PCDH15: variants seen among roughly 807,000 people sequenced by gnomAD.
The protein encoded by PCDH15 is protocadherin-15.
Under a neutral mutation model 178.5 loss-of-function variants are expected in PCDH15, and 129 were observed. That is an observed-to-expected ratio of 0.72 (90% CI 0.63 to 0.84). The LOEUF (loss-of-function observed/expected upper bound fraction) is 0.84. Ranked by LOEUF, PCDH15 falls within the 40% of genes least tolerant of loss-of-function variation. The pLI is 0.00. For synonymous variants in PCDH15, 800 were observed against 732.0 expected, an observed-to-expected ratio of 1.09 and a Z score of -1.50; for missense variants, 2,230 against 2,099.9, an observed-to-expected ratio of 1.06 and a Z score of -1.21.
chr10:55,165,687 G>A (rs765593910), intron 2 of PCDH15, among the ~76,000 whole-genome samples: 3 of 151,916 alleles, frequency 2.0e-5, no homozygotes, highest in Non-Finnish European at 4.4e-5. Context: ...GGAGCCAGGA[G>A]CAAGAGATAA....
intron 1 of PCDH15, among the ~76,000 whole-genome samples, chr10:55,215,304 T>A (rs906172130): frequency 1.3e-5 from 2 of 152,136 alleles, no homozygotes; most frequent in Non-Finnish European, 2.9e-5. Flanking sequence ...TCCTTCATAT[T>A]TGAATTCAAG....
chr10:53,868,632 T>C (rs1041086482), intron 26 of PCDH15, among the ~76,000 whole-genome samples: 5 of 152,154 alleles, frequency 3.3e-5, no homozygotes, highest in Non-Finnish European at 5.9e-5. Flanking sequence ...ACACAAATGA[T>C]TAAAATAGTA....
chr10:53,823,319 A>G (rs1460890929), intron 32 of PCDH15: 1 of 1,613,948 alleles, frequency 6.2e-7, no homozygotes. Flanking sequence ...AGACTGAGTT[A>G]TTTCCCCTGC....
rs571407966 is a variant in PCDH15 at position 53,869,081 on chromosome 10, T to A, written c.3502-2224A>T. Among the ~76,000 whole-genome samples the A allele has an allele frequency of 8.7e-4, 132 of 152,280 alleles. 1 individual carries two copies. Among genetic ancestry groups the A allele is most frequent in the African/African-American group, 3.0e-3 (123 of 41,564 alleles). ...TCTTGGCCTACCAAAGTGCTGGGAT[T>A]ACAGACATGAGCCACTGTGCCAAAC... On this transcript the variant is annotated intron_variant, in intron 26 of 37. Coordinates refer to ENST00000644397, the MANE Select transcript of PCDH15 (RefSeq NM_001384140.1).
intron 6 of PCDH15, among the ~76,000 whole-genome samples, chr10:54,332,835 A>T (rs933164307): frequency 2.0e-5 from 3 of 152,160 alleles, no homozygotes; most frequent in Admixed American, 2.0e-4. Context: ...GACTTTATTG[A>T]TCTTCAGAGC....
At chr10:54,311,015 T>C (rs936583985) in intron 8 of PCDH15, among the ~76,000 whole-genome samples, 2 of 152,040 alleles carry the variant, frequency 1.3e-5, no homozygotes, top group Non-Finnish European at 2.9e-5. Flanking sequence ...ACTTTTCTGA[T>C]AACTGAGAAA....
intron 8 of PCDH15, among the ~76,000 whole-genome samples, chr10:54,258,553 G>C (rs531737253): frequency 2.3e-3 from 349 of 152,248 alleles, no homozygotes; most frequent in African/African-American, 8.1e-3. Flanking sequence ...GGCAGAGCCA[G>C]AAGTACAATA....
At position 53,920,112 on chromosome 10, in the gene PCDH15, A is replaced by G. The variant is rs2083874656; in HGVS notation, c.3374-16742T>C. ...AAAAACAGTATGGATACAAGATGAG[A>G]AATCCCATTTCTATAAAGTTGAGGA... On this transcript the variant is annotated intron_variant, in intron 25 of 37. Coordinates refer to ENST00000644397, the MANE Select transcript of PCDH15 (RefSeq NM_001384140.1). Among the ~76,000 whole-genome samples, 5 of 152,162 alleles carry G rather than the reference A, an allele frequency of 3.3e-5. No individual in the cohort carries two copies. In the South Asian group the frequency reaches 1.0e-3, roughly 32 times the overall value.
chr10:54,493,184 A>G (rs1446681617), intron 3 of PCDH15, among the ~76,000 whole-genome samples: 1 of 152,100 alleles, frequency 6.6e-6, no homozygotes, highest in African/African-American at 2.4e-5. Context: ...ACACAGTTAT[A>G]TAAGTATAGG....
chr10:55,175,586 A>G (rs1437764819), intron 1 of PCDH15, among the ~76,000 whole-genome samples: 1 of 149,506 alleles, frequency 6.7e-6, no homozygotes, highest in African/African-American at 2.5e-5. Flanking sequence ...GAATCACTTT[A>G]ACCCGGGAGG....
chr10:55,431,641 G>A (rs1386923240), intron 2 of PCDH15, among the ~76,000 whole-genome samples: 1 of 152,106 alleles, frequency 6.6e-6, no homozygotes, highest in African/African-American at 2.4e-5. Flanking sequence ...AATCTCTTAA[G>A]ACAAATTTTC....
chr10:54,738,685 A>C (rs991853223), intron 1 of PCDH15, among the ~76,000 whole-genome samples: 1 of 152,060 alleles, frequency 6.6e-6, no homozygotes, highest in Non-Finnish European at 1.5e-5. Flanking sequence ...ATTCAACAAC[A>C]CAATAAAAAG....
At chr10:54,705,441 C>T (rs60319288) in intron 1 of PCDH15, among the ~76,000 whole-genome samples, 6,317 of 152,118 alleles carry the variant, frequency 0.042, 441 homozygotes, top group African/African-American at 0.15. Flanking sequence ...ATTATGGCTC[C>T]ATCACTTGTT....
chr10:54,844,869 T>A (rs1321675297), intron 3 of PCDH15, among the ~76,000 whole-genome samples: 1 of 151,938 alleles, frequency 6.6e-6, no homozygotes, highest in African/African-American at 2.4e-5. Flanking sequence ...ATAATGACTT[T>A]TAAAAAAACG....
chr10:55,457,053 T>G (rs1839569587), intron 2 of PCDH15, among the ~76,000 whole-genome samples: 1 of 152,086 alleles, frequency 6.6e-6, no homozygotes, highest in Admixed American at 6.6e-5. Flanking sequence ...AATCTAGAAT[T>G]ACATGAGCTG....
chr10:54,456,034 AC>A (rs1279771938), intron 3 of PCDH15, among the ~76,000 whole-genome samples: 1 of 152,202 alleles, frequency 6.6e-6, no homozygotes, highest in Non-Finnish European at 1.5e-5. Context: ...ATACCCAGGC[AC>A]AAGTTTGCTG....
chr10:54,650,652 C>T (rs560211847), intron 2 of PCDH15, among the ~76,000 whole-genome samples: 70 of 152,218 alleles, frequency 4.6e-4, no homozygotes, highest in African/African-American at 8.9e-4. Flanking sequence ...AATGGACTTA[C>T]GGTTCCACAT....
At chr10:55,177,869 A>G (rs1839537809) in intron 1 of PCDH15, among the ~76,000 whole-genome samples, 1 of 151,792 alleles carries the variant, frequency 6.6e-6, no homozygotes, top group Non-Finnish European at 1.5e-5. Flanking sequence ...TTACAGACGG[A>G]TTTTTTTTAT....
In PCDH15 at chr10:54,103,673, A is replaced by T. The variant is rs185814440; in HGVS notation, c.1918-13610T>A. Among the ~76,000 whole-genome samples the T allele has an allele frequency of 1.2e-4, 18 of 152,322 alleles. No homozygotes were observed. In the East Asian group the frequency reaches 2.3e-3, roughly 20 times the overall value. ...CCCTTTCTCTGCATTAAACCAAGAG[A>T]GATCCGGCATTTCCAGCAAGCTCAG... On this transcript the variant is annotated intron_variant, in intron 15 of 37. Transcript: ENST00000644397.
Sources: allele counts gnomAD v4.1 joint callset (sites outside exome capture counted in the v4.1 genomes callset), GRCh38; gene constraint gnomAD v4.1.1; transcripts MANE v1.5; gene names NCBI Gene and HGNC (gene_info 2026-07-23, HGNC 2026-07-21).